Variants in PDS5B observed in about 807,000 individuals in gnomAD.
PDS5B encodes the protein PDS5 cohesin associated factor B.
A neutral mutation model predicts 184.1 loss-of-function variants in PDS5B; 51 were observed. The ratio of observed to expected loss-of-function variants is 0.28; its 90% CI spans 0.22 to 0.35. The LOEUF (loss-of-function observed/expected upper bound fraction) is 0.35. Among genes scored for constraint, PDS5B ranks in the 10% least tolerant of loss-of-function variants. PDS5B has a pLI of 1.00. For synonymous variants in PDS5B, 566 were observed against 569.2 expected (o/e 0.99, Z 0.08); for missense variants, 1,180 against 1,723.3 (o/e 0.68, Z 5.58).
At chr13:32,771,543 G>C (rs991890126) in intron 33 of PDS5B, among the ~76,000 whole-genome samples, 1 of 152,112 alleles carries the variant, frequency 6.6e-6, no homozygotes, top group Admixed American at 6.5e-5. Flanking sequence ...CGACTTTTCA[G>C]AGTTGCCAAT....
chr13:32,686,340 A>G (rs1951389916), intron 11 of PDS5B, among the ~76,000 whole-genome samples: 1 of 152,254 alleles, frequency 6.6e-6, no homozygotes, highest in Admixed American at 6.5e-5. Context: ...TACATTCAGC[A>G]TTTGATAAAG....
At chr13:32,695,759 T>C (rs954799615) in intron 14 of PDS5B, among the ~76,000 whole-genome samples, 3 of 152,082 alleles carry the variant, frequency 2.0e-5, no homozygotes, top group African/African-American at 7.2e-5. Flanking sequence ...CTTCTTCATT[T>C]TGCCTGTTGT....
chr13:32,607,862 G>T (rs982220262), intron 1 of PDS5B, among the ~76,000 whole-genome samples: 16 of 152,374 alleles, frequency 1.1e-4, no homozygotes, highest in African/African-American at 2.4e-4. Flanking sequence ...CGCTGAGCCA[G>T]GTGCGGGATA....
intron 6 of PDS5B, among the ~76,000 whole-genome samples, chr13:32,662,450 TTAAC>T (rs777300116): frequency 2.0e-5 from 3 of 151,858 alleles, no homozygotes; most frequent in South Asian, 2.1e-4. Context: ...ACAAGCATAA[TTAAC>T]AGAAAGAAGC....
rs1192704010 is a variant in PDS5B at position 32,739,335 on chromosome 13, C to T, written c.2407-1745C>T. On this transcript the variant is annotated intron_variant, in intron 21 of 34. Transcript: ENST00000315596. ...GTTCTTTTCCACTGATGCGTTTGCC[C>T]ATCCACAAGATGTCTTTCCTTAATG... is the stretch of plus-strand genomic sequence containing the variant. Among the ~76,000 whole-genome samples the T allele has an allele frequency of 7.9e-5, 12 of 152,108 alleles. 1 individual carries two copies. The highest frequency in any genetic ancestry group is 7.9e-4 in the Admixed American group (12 of 15,268).
At chr13:32,732,854 C>T (rs1042743615) in intron 20 of PDS5B, among the ~76,000 whole-genome samples, 4 of 152,042 alleles carry the variant, frequency 2.6e-5, no homozygotes, top group African/African-American at 9.7e-5. Context: ...AATTTTAGTT[C>T]AAGAGCCTTG....
chr13:32,662,878 G>A (rs74801862), intron 6 of PDS5B, among the ~76,000 whole-genome samples: 7,361 of 152,150 alleles, frequency 0.048, 494 homozygotes, highest in African/African-American at 0.16. Flanking sequence ...AGGAAATGGT[G>A]TCTATGTACA....
At chr13:32,688,857 TC>T in intron 13 of PDS5B, 1 of 342,316 alleles carries the variant, frequency 2.9e-6, no homozygotes, top group Non-Finnish European at 5.5e-6. Context: ...ATGTACCTAT[TC>T]TTTTTTATTT....
intron 3 of PDS5B, among the ~76,000 whole-genome samples, chr13:32,657,582 G>T (rs761045053): frequency 3.9e-5 from 6 of 152,170 alleles, no homozygotes; most frequent in Non-Finnish European, 8.8e-5. Flanking sequence ...ATATTGGTAT[G>T]TGCTGGTTTG....
At chr13:32,638,233 C>T (rs893327337) in intron 1 of PDS5B, among the ~76,000 whole-genome samples, 5 of 152,190 alleles carry the variant, frequency 3.3e-5, no homozygotes, top group African/African-American at 1.2e-4. Flanking sequence ...CTCAATGTCC[C>T]ATTGCCTAAA....
In PDS5B at chr13:32,773,212, C is replaced by T. The variant is rs776298861; in HGVS notation, c.4196C>T (p.Ala1399Val). ...AGCCGTGTAGGACGCTCCAAACAAG[C>T]AGCTACTAAGGAAAATGATTCAAGT... is the stretch of plus-strand genomic sequence containing the variant. ...KNVRVGRSKQ[A>V]ATKENDSSEE... Residue 1399 changes from alanine to valine, a missense_variant, in exon 34 of 35, where the codon GCA (alanine) becomes GTA (valine). Ala to Val is a moderately conservative substitution (Grantham distance 64, BLOSUM62 0). Around this residue, in one of 11 missense-constraint regions of PDS5B, gnomAD observed 465 missense variants for 497.8 expected, o/e 0.93. Transcript: ENST00000315596. 6.2e-7 allele frequency: 1 copy of T among 1,612,412 alleles called. No homozygotes were observed. Among genetic ancestry groups the T allele is most frequent in the Admixed American group, 1.7e-5 (1 of 59,750 alleles).
At chr13:32,689,535 C>T (rs1028044955) in intron 13 of PDS5B, 9 of 151,938 alleles carry the variant, frequency 5.9e-5, no homozygotes, top group African/African-American at 1.2e-4. Flanking sequence ...ATTTACTGTC[C>T]GGCCTTTTAC....
chr13:32,775,635 C>T lies in PDS5B; in HGVS notation c.*583C>T. 1 of 456,050 alleles carries T rather than the reference C, an allele frequency of 2.2e-6. No individual in the cohort carries two copies. The highest frequency in any genetic ancestry group is 4.4e-6 in the Non-Finnish European group (1 of 226,594). 28.3% of individuals were successfully genotyped at this position (456,050 alleles called of 1,614,324 possible). ...ATCTTCAGAGGTGCTAAATTGTCTG[C>T]CATTACACCAGAAGGATGCCTCTGA... is the stretch of plus-strand genomic sequence containing the variant. On this transcript the variant is annotated 3_prime_UTR_variant, in exon 35 of 35. Transcript: ENST00000315596.
At chr13:32,696,547 C>CT (rs1237726431) in intron 14 of PDS5B, among the ~76,000 whole-genome samples, 2 of 149,716 alleles carry the variant, frequency 1.3e-5, no homozygotes, top group Non-Finnish European at 3.0e-5. Context: ...TCTTTCAGCT[C>CT]TAAAAAAAAA....
At chr13:32,747,573 C>T (rs1401984294) in intron 24 of PDS5B, among the ~76,000 whole-genome samples, 4 of 138,516 alleles carry the variant, frequency 2.9e-5, no homozygotes, top group East Asian at 2.0e-4. Flanking sequence ...GGCAACAGAG[C>T]GAGACTCCAT....
intron 25 of PDS5B, among the ~76,000 whole-genome samples, chr13:32,754,736 G>A (rs187254103): frequency 1.3e-5 from 2 of 152,208 alleles, no homozygotes; most frequent in East Asian, 1.9e-4. Context: ...GATTGCTTGT[G>A]GTTGTTGTGA....
At chr13:32,759,295 T>TA (rs1295742381) in intron 28 of PDS5B, among the ~76,000 whole-genome samples, 1 of 152,104 alleles carries the variant, frequency 6.6e-6, no homozygotes, top group Non-Finnish European at 1.5e-5. Flanking sequence ...GATTGCTCAG[T>TA]AGCTAAAAGG....
chr13:32,702,869 A>C (rs1182320770), intron 17 of PDS5B, among the ~76,000 whole-genome samples: 1 of 152,160 alleles, frequency 6.6e-6, no homozygotes, highest in Non-Finnish European at 1.5e-5. Flanking sequence ...GATGGCTAGG[A>C]GGAGGGAAGT....
At chr13:32,673,100 A>G in intron 7 of PDS5B, 116 bp from the exon 8 acceptor site, 1 of 848,874 alleles carries the variant, frequency 1.2e-6, no homozygotes, top group Non-Finnish European at 1.9e-6. Context: ...AAATATTTTG[A>G]TATGCCTAGT....
Sources: gnomAD v4.1 joint callset for allele counts (sites outside exome capture counted in the v4.1 genomes callset) on GRCh38, gnomAD v4.1.1 for gene constraint, gnomAD v4.1.1 regional missense constraint, MANE v1.5 for transcripts, NCBI Gene and HGNC (gene_info 2026-07-23, HGNC 2026-07-21) for gene names.